The following GPC5 variants were observed in gnomAD, a reference collection of about 807,000 sequenced individuals.
GPC5 encodes the protein glypican-5.
A neutral mutation model predicts 53.9 loss-of-function variants in GPC5; 47 were observed. The ratio of observed to expected loss-of-function variants is 0.87; its 90% CI spans 0.69 to 1.11. The LOEUF (loss-of-function observed/expected upper bound fraction) is 1.11, where lower values mean the gene tolerates loss of function less well. Ranked by LOEUF, GPC5 falls within the 50% of genes most tolerant of loss-of-function variation. The pLI is 0.00. For missense variants in GPC5, 748 were observed against 713.1 expected, an observed-to-expected ratio of 1.05 and a Z score of -0.56; for synonymous variants, 286 against 263.3, an observed-to-expected ratio of 1.09 and a Z score of -0.84.
chr13:91,500,979 T>A (rs1343252649), intron 2 of GPC5, among the ~76,000 whole-genome samples: 1 of 152,204 alleles, frequency 6.6e-6, no homozygotes, highest in Non-Finnish European at 1.5e-5. Flanking sequence ...CCATGGAAGA[T>A]GTGCCTTTCA....
chr13:92,104,980 A>G (rs1028965651), intron 6 of GPC5, among the ~76,000 whole-genome samples: 1 of 152,030 alleles, frequency 6.6e-6, no homozygotes, highest in African/African-American at 2.4e-5. Flanking sequence ...ACTGATCCAA[A>G]CTTCTGTGTT....
At chr13:92,012,202 ATCC>A (rs1566393486) in intron 6 of GPC5, among the ~76,000 whole-genome samples, 1 of 152,196 alleles carries the variant, frequency 6.6e-6, no homozygotes, top group African/African-American at 2.4e-5. Context: ...ATTTTTCAAC[ATCC>A]TCATTTGGCA....
chr13:92,613,312 TATA>T (rs2139099023), intron 7 of GPC5, among the ~76,000 whole-genome samples: 1 of 108,632 alleles, frequency 9.2e-6, no homozygotes, highest in East Asian at 2.4e-4. Context: ...ATATAATGTA[TATA>T]ATAAATATTT....
At chr13:91,618,986 CTATTAT>C (rs2033778002) in intron 2 of GPC5, among the ~76,000 whole-genome samples, 1 of 152,132 alleles carries the variant, frequency 6.6e-6, no homozygotes, top group South Asian at 2.1e-4. Context: ...ACTACTATTA[CTATTAT>C]TATAATTGTA....
At chr13:92,811,010 G>A (rs1226057294) in intron 7 of GPC5, among the ~76,000 whole-genome samples, 3 of 151,884 alleles carry the variant, frequency 2.0e-5, no homozygotes, top group East Asian at 1.9e-4. Context: ...GTGAGCCACC[G>A]TGCCCAGCCC....
chr13:92,320,255 C>T (rs2043207248), intron 7 of GPC5, among the ~76,000 whole-genome samples: 1 of 152,066 alleles, frequency 6.6e-6, no homozygotes. Flanking sequence ...ATTGAACAAT[C>T]TAGGAAACTT....
At chr13:91,423,837 A>G (rs1878820606) in intron 1 of GPC5, among the ~76,000 whole-genome samples, 1 of 152,248 alleles carries the variant, frequency 6.6e-6, no homozygotes, top group Non-Finnish European at 1.5e-5. Context: ...CTCACATTGT[A>G]GCCCACAAAT....
intron 7 of GPC5, among the ~76,000 whole-genome samples, chr13:92,833,016 A>G (rs752754608): frequency 1.3e-5 from 2 of 152,182 alleles, no homozygotes; most frequent in Non-Finnish European, 2.9e-5. Flanking sequence ...AAAACAAACA[A>G]AACAAAACAA....
intron 1 of GPC5, among the ~76,000 whole-genome samples, chr13:91,441,140 C>CTT (rs56051971): frequency 0.045 from 6,789 of 152,248 alleles, 189 homozygotes; most frequent in South Asian, 0.13. Flanking sequence ...TCTTCAGACT[C>CTT]TCCTCTTTTG....
chr13:91,847,035 C>A (rs566271093), intron 5 of GPC5, among the ~76,000 whole-genome samples: 3 of 151,608 alleles, frequency 2.0e-5, no homozygotes, highest in Non-Finnish European at 4.4e-5. Flanking sequence ...CTGGCTAACA[C>A]AGTGAAACCC....
At chr13:92,001,965 A>G (rs1039178452) in intron 6 of GPC5, among the ~76,000 whole-genome samples, 1 of 152,250 alleles carries the variant, frequency 6.6e-6, no homozygotes, top group Non-Finnish European at 1.5e-5. Flanking sequence ...AAGACATTAA[A>G]TAACATTCCA....
At chr13:91,500,547 C>T (rs1195131336) in intron 2 of GPC5, among the ~76,000 whole-genome samples, 1 of 152,146 alleles carries the variant, frequency 6.6e-6, no homozygotes, top group Admixed American at 6.5e-5. Flanking sequence ...TATGTAGCTA[C>T]ATATTTTGTG....
At chr13:91,636,922 T>C (rs557063632) in intron 2 of GPC5, among the ~76,000 whole-genome samples, 1 of 152,154 alleles carries the variant, frequency 6.6e-6, no homozygotes, top group South Asian at 2.1e-4. Flanking sequence ...CCAGTACCCC[T>C]ATACTCCAGT....
intron 7 of GPC5, among the ~76,000 whole-genome samples, chr13:92,586,589 G>T (rs984262337): frequency 1.3e-5 from 2 of 152,172 alleles, no homozygotes; most frequent in Non-Finnish European, 2.9e-5. Context: ...CAACAAAGAC[G>T]ACTGAAGAAA....
intron 4 of GPC5, among the ~76,000 whole-genome samples, chr13:91,744,938 T>C (rs948032026): frequency 1.9e-4 from 29 of 152,266 alleles, no homozygotes; most frequent in Admixed American, 5.2e-4. Flanking sequence ...GAACAATTAA[T>C]TGCATATTTT....
At chr13:91,523,938 G>C in intron 2 of GPC5, among the ~76,000 whole-genome samples, 1 of 151,456 alleles carries the variant, frequency 6.6e-6, no homozygotes, top group East Asian at 1.9e-4. Flanking sequence ...CAGTTTTATG[G>C]TTTCTCTTTG....
chr13:92,073,278 G>T (rs1260572812), intron 6 of GPC5, among the ~76,000 whole-genome samples: 3 of 152,226 alleles, frequency 2.0e-5, no homozygotes, highest in Admixed American at 1.3e-4. Flanking sequence ...GAAAGATGTA[G>T]ATTTAAGCCC....
chr13:92,317,315 G>A (rs534910843), intron 7 of GPC5, among the ~76,000 whole-genome samples: 52 of 152,196 alleles, frequency 3.4e-4, no homozygotes, highest in African/African-American at 1.3e-3. Flanking sequence ...ATGCTTTGCG[G>A]GGAAGGGTGG....
chr13:91,680,932 A>G (rs1195614352), intron 2 of GPC5, among the ~76,000 whole-genome samples: 2 of 152,176 alleles, frequency 1.3e-5, no homozygotes, highest in African/African-American at 4.8e-5. Context: ...AAAACCAGTA[A>G]TCTAGTATCA....
Sources: gnomAD v4.1 joint callset for allele counts (sites outside exome capture counted in the v4.1 genomes callset) on GRCh38, gnomAD v4.1.1 for gene constraint, MANE v1.5 for transcripts, NCBI Gene and HGNC (gene_info 2026-07-23, HGNC 2026-07-21) for gene names.